RIN2: variants seen among roughly 807,000 people sequenced by gnomAD.
The protein encoded by RIN2 is RAB5 interacting protein 2.
RIN2 carries 36 observed loss-of-function variants against 78.0 expected under a neutral mutation model. The ratio of observed to expected loss-of-function variants is 0.46; its 90% confidence interval spans 0.35 to 0.61. The LOEUF (loss-of-function observed/expected upper bound fraction) is 0.61. Ranked by LOEUF, RIN2 falls within the 20% of genes least tolerant of loss-of-function variation. The pLI, the probability that RIN2 is intolerant of heterozygous loss-of-function variation, is 0.00. For synonymous variants in RIN2, 466 were observed against 466.8 expected (o/e 1.00, Z 0.02); for missense variants, 1,087 against 1,159.7 (o/e 0.94, Z 0.91).
intron 1 of RIN2, among the ~76,000 whole-genome samples, chr20:19,771,491 C>T (rs961609813): frequency 7.2e-5 from 11 of 152,210 alleles, no homozygotes; most frequent in African/African-American, 2.4e-4. Context: ...CTGAAGCACA[C>T]TTCCCCTGGG....
intron 2 of RIN2, among the ~76,000 whole-genome samples, chr20:19,856,534 G>GAA (rs566432595): frequency 1.2e-4 from 10 of 85,520 alleles, no homozygotes; most frequent in African/African-American, 3.9e-4. Flanking sequence ...CTTTGTCTCA[G>GAA]AAAAAAAAAA....
chr20:19,992,532 CATCTT>C (rs1299590264), intron 11 of RIN2, among the ~76,000 whole-genome samples: 29 of 152,140 alleles, frequency 1.9e-4, no homozygotes, highest in Admixed American at 3.9e-4. Flanking sequence ...GCTTTTTTGA[CATCTT>C]AAGTGTTAAC....
In RIN2 at chr20:19,992,021, T is replaced by A. The variant is rs934197697; in HGVS notation, c.2069-147T>A. The A allele has an allele frequency of 8.0e-6, 7 of 874,120 alleles. No individual in the cohort carries two copies. The African/African-American group carries it at 8.5e-5, about 11-fold the overall frequency. The allele number at this position is 874,120 out of a possible 1,614,324, so 54.1% of individuals were successfully genotyped here. ...GCAGCTGGGAGGGTCAGAGGCTACA[T>A]AGGATTCCAGAAACACTCACCTCTG... On this transcript the variant is annotated intron_variant, in intron 10 of 12. Coordinates refer to ENST00000255006, the MANE Select transcript of RIN2 (RefSeq NM_018993.4).
intron 2 of RIN2, among the ~76,000 whole-genome samples, chr20:19,840,249 G>A (rs1161402969): frequency 4.6e-5 from 7 of 152,216 alleles, no homozygotes; most frequent in Non-Finnish European, 1.0e-4. Flanking sequence ...GGAAGTGGGT[G>A]AGTCTGGGTC....
chr20:19,766,666 A>T (rs927435260), intron 1 of RIN2, among the ~76,000 whole-genome samples: 1 of 152,172 alleles, frequency 6.6e-6, no homozygotes, highest in Non-Finnish European at 1.5e-5. Flanking sequence ...CACACCTGTA[A>T]TCCCAGCACT....
intron 1 of RIN2, among the ~76,000 whole-genome samples, chr20:19,798,394 G>A (rs2035130923): frequency 6.6e-6 from 1 of 152,044 alleles, no homozygotes; most frequent in Non-Finnish European, 1.5e-5. Context: ...GGATGTGTGT[G>A]CATCTGTGTG....
chr20:19,992,437 C>A, intron 11 of RIN2, 138 bp downstream of exon 11: 1 of 817,602 alleles, frequency 1.2e-6, no homozygotes, highest in Non-Finnish European at 1.8e-6. Context: ...TTCACAATGT[C>A]ATGCATTCTC....
chr20:19,987,431 C>T (rs1317466426), intron 9 of RIN2, among the ~76,000 whole-genome samples: 2 of 152,096 alleles, frequency 1.3e-5, no homozygotes, highest in African/African-American at 2.4e-5. Context: ...TTGAACTTTA[C>T]AATTAAAAGA....
chr20:19,792,929 T>A (rs1326752228), intron 1 of RIN2, among the ~76,000 whole-genome samples: 2 of 145,164 alleles, frequency 1.4e-5, no homozygotes, highest in Admixed American at 1.4e-4. Context: ...TATTTTAGGC[T>A]AAGCAGCCAC....
intron 3 of RIN2, among the ~76,000 whole-genome samples, chr20:19,899,646 T>C (rs899594867): frequency 6.6e-6 from 1 of 152,136 alleles, no homozygotes; most frequent in African/African-American, 2.4e-5. Flanking sequence ...AGGAATCCAC[T>C]TACAAACTAA....
At chr20:19,758,636 G>A (rs1325545812) in intron 1 of RIN2, among the ~76,000 whole-genome samples, 2 of 152,224 alleles carry the variant, frequency 1.3e-5, no homozygotes, top group Non-Finnish European at 2.9e-5. Flanking sequence ...GGGCTGGGGT[G>A]AGGGACAGCT....
At chr20:19,790,647 T>G (rs1179900094) in intron 1 of RIN2, among the ~76,000 whole-genome samples, 1 of 152,072 alleles carries the variant, frequency 6.6e-6, no homozygotes, top group East Asian at 1.9e-4. Context: ...TTAATAAAAA[T>G]AGAATAATCA....
chr20:19,763,387 C>CTAAATAAA lies in RIN2; in HGVS notation c.-163+5076_-163+5083dup, dbSNP rs146419222. On this transcript the variant is annotated intron_variant, in intron 1 of 12. Coordinates refer to ENST00000255006, the MANE Select transcript of RIN2 (RefSeq NM_018993.4). The stretch of plus-strand genomic sequence containing the variant: ...TGGGTGACAGAGCAAGACTCTGTCT[C>CTAAATAAA]TAAATAAATAAATAAATAAATAAGA... 1.5e-4 allele frequency among the ~76,000 whole-genome samples: 22 copies of CTAAATAAA among 151,394 alleles called. 1 individual carries two copies. The highest frequency in any genetic ancestry group is 3.9e-4 in the African/African-American group (16 of 41,074).
intron 1 of RIN2, among the ~76,000 whole-genome samples, chr20:19,778,105 G>A (rs1207111652): frequency 6.6e-6 from 1 of 152,226 alleles, no homozygotes; most frequent in East Asian, 1.9e-4. Flanking sequence ...TACAGAAGAG[G>A]TAACTTTAGA....
chr20:19,854,740 G>C (rs1033543343), intron 2 of RIN2, among the ~76,000 whole-genome samples: 1 of 152,166 alleles, frequency 6.6e-6, no homozygotes, highest in African/African-American at 2.4e-5. Flanking sequence ...TGTATCCTGA[G>C]ACTTTGCTGA....
At chr20:19,808,912 C>G (rs1387785856) in intron 2 of RIN2, among the ~76,000 whole-genome samples, 1 of 152,186 alleles carries the variant, frequency 6.6e-6, no homozygotes, top group East Asian at 1.9e-4. Flanking sequence ...CAGAGCCGGC[C>G]TAAAGGGATG....
chr20:19,917,437 T>C lies in RIN2; in HGVS notation c.58-17662T>C, dbSNP rs145888093. Among the ~76,000 whole-genome samples, 664 of 152,332 alleles carry C rather than the reference T, an allele frequency of 4.4e-3. 3 individuals are homozygous for C. The highest frequency in any genetic ancestry group is 0.015 in the African/African-American group (624 of 41,582). ...CCATCAAATTATTCTTTTTCTTCTATTTTTCCTAAAATGATAATAGTTATT... is the reference window on the plus strand; with the variant it reads ...CCATCAAATTATTCTTTTTCTTCTACTTTTCCTAAAATGATAATAGTTATT... On this transcript the variant is annotated intron_variant, in intron 3 of 12. Coordinates refer to ENST00000255006, the MANE Select transcript of RIN2 (RefSeq NM_018993.4).
chr20:19,856,212 G>A (rs1464627152), intron 2 of RIN2, among the ~76,000 whole-genome samples: 1 of 152,126 alleles, frequency 6.6e-6, no homozygotes, highest in African/African-American at 2.4e-5. Context: ...TAATGCGCAT[G>A]GGAAAAACTG....
At chr20:19,775,883 CAG>C (rs1162914711) in intron 1 of RIN2, among the ~76,000 whole-genome samples, 2 of 152,258 alleles carry the variant, frequency 1.3e-5, no homozygotes, top group African/African-American at 4.8e-5. Flanking sequence ...CACAGGCTGT[CAG>C]AGCCTCCGGC....
Sources: gnomAD v4.1 joint callset for allele counts (sites outside exome capture counted in the v4.1 genomes callset) on GRCh38, gnomAD v4.1.1 for gene constraint, MANE v1.5 for transcripts, NCBI Gene and HGNC (gene_info 2026-07-23, HGNC 2026-07-21) for gene names.